Variants in LAMA3 observed in about 807,000 individuals in gnomAD.
LAMA3 encodes laminin subunit alpha 3, also known as laminin subunit alpha-3.
LAMA3 carries 281 observed loss-of-function variants against 402.0 expected under a neutral mutation model. That is an observed-to-expected ratio of 0.70 (90% CI 0.63 to 0.77). The LOEUF is 0.77. Among genes scored for constraint, LAMA3 ranks in the 30% least tolerant of loss-of-function variants. The pLI is 0.00. For synonymous variants in LAMA3, 1,431 were observed against 1,558.4 expected (o/e 0.92, Z 1.93); for missense variants, 3,840 against 4,215.5 (o/e 0.91, Z 2.47).
At chr18:23,813,523 C>CATTTTTTT (rs1381413474) in intron 14 of LAMA3, among the ~76,000 whole-genome samples, 1 of 146,704 alleles carries the variant, frequency 6.8e-6, no homozygotes, top group African/African-American at 2.5e-5. Flanking sequence ...GTATTCTGAA[C>CATTTTTTT]ATTTTTTTTC....
At position 23,871,427 on chromosome 18, in the gene LAMA3, G is replaced by A. The variant is rs745542741; in HGVS notation, c.4768-4G>A. 6.2e-7 allele frequency: 1 copy of A among 1,613,006 alleles called. No homozygotes were observed. Among genetic ancestry groups the A allele is most frequent in the Non-Finnish European group, 8.5e-7 (1 of 1,178,978 alleles). ...AGACCCTGACTTTCTGTTTCCATGT[G>A]TAGGGAAACTTCAGACATGCCAGCA... On this transcript the variant is annotated splice_polypyrimidine_tract_variant and splice_region_variant and intron_variant, in intron 37 of 74. Coordinates refer to ENST00000313654, the MANE Select transcript of LAMA3 (RefSeq NM_198129.4).
intron 8 of LAMA3, among the ~76,000 whole-genome samples, chr18:23,770,593 CT>C (rs1163408089): frequency 6.6e-6 from 1 of 152,028 alleles, no homozygotes; most frequent in Non-Finnish European, 1.5e-5. Flanking sequence ...AACCCTGACT[CT>C]ACTAAAAATA....
chr18:23,692,472 A>G (rs1353806413), intron 1 of LAMA3, among the ~76,000 whole-genome samples: 1 of 152,114 alleles, frequency 6.6e-6, no homozygotes, highest in African/African-American at 2.4e-5. Flanking sequence ...GGGTTTCACC[A>G]TGTCGGCCAG....
chr18:23,813,003 A>G, intron 13 of LAMA3, 54 bp from the exon 14 acceptor site: 1 of 1,235,086 alleles, frequency 8.1e-7, no homozygotes, highest in East Asian at 2.3e-5. Context: ...AAACATCAAA[A>G]CAAAGAGAAA....
chr18:23,841,820 G>A (rs1262643010), intron 27 of LAMA3, among the ~76,000 whole-genome samples: 1 of 152,100 alleles, frequency 6.6e-6, no homozygotes, highest in African/African-American at 2.4e-5. Flanking sequence ...TACTTGGGAG[G>A]CTGAAGTGGG....
intron 2 of LAMA3, among the ~76,000 whole-genome samples, chr18:23,742,603 G>A (rs1223634281): frequency 2.6e-5 from 4 of 151,938 alleles, no homozygotes; most frequent in African/African-American, 9.7e-5. Flanking sequence ...GAAGTATTTA[G>A]GAGGAAAGTA....
At chr18:23,907,511 C>T (rs1258420006) in intron 52 of LAMA3, 39 bp from the exon 53 acceptor site, 1 of 1,414,096 alleles carries the variant, frequency 7.1e-7, no homozygotes, top group African/African-American at 1.4e-5. Flanking sequence ...GATCAAAATG[C>T]ACAAAGTAAT....
chr18:23,729,631 G>A (rs1022447829), intron 2 of LAMA3, among the ~76,000 whole-genome samples: 5 of 152,074 alleles, frequency 3.3e-5, no homozygotes, highest in African/African-American at 1.2e-4. Flanking sequence ...TATATATATG[G>A]CAGATATAAC....
chr18:23,928,787 T>G (rs2082081071), intron 64 of LAMA3, 22 bp downstream of exon 64: 1 of 1,605,484 alleles, frequency 6.2e-7, no homozygotes, highest in Non-Finnish European at 8.5e-7. Context: ...TGCATTAATA[T>G]CAAACAAGAT....
intron 19 of LAMA3, among the ~76,000 whole-genome samples, chr18:23,821,911 T>C (rs1428526117): frequency 6.6e-6 from 1 of 152,224 alleles, no homozygotes; most frequent in Admixed American, 6.5e-5. Context: ...TCCTAGCCAG[T>C]GGTGGTTGCT....
At chr18:23,810,177 A>G (rs1446066875) in intron 12 of LAMA3, among the ~76,000 whole-genome samples, 189 bp from the exon 13 acceptor site, 1 of 152,210 alleles carries the variant, frequency 6.6e-6, no homozygotes, top group Non-Finnish European at 1.5e-5. Context: ...ACTCCCACTT[A>G]AGGAAGGAGA....
intron 2 of LAMA3, among the ~76,000 whole-genome samples, chr18:23,733,510 C>T (rs1430999728): frequency 6.6e-6 from 1 of 152,068 alleles, no homozygotes; most frequent in Non-Finnish European, 1.5e-5. Flanking sequence ...GGGAGAAACT[C>T]CCTCCATGAT....
intron 1 of LAMA3, 78 bp downstream of exon 1, chr18:23,690,055 G>A: frequency 8.5e-7 from 1 of 1,172,406 alleles, no homozygotes; most frequent in Non-Finnish European, 1.1e-6. Context: ...AAGGGATCGG[G>A]CCCTTTCCTC....
intron 1 of LAMA3, among the ~76,000 whole-genome samples, chr18:23,704,391 C>G (rs2145862488): frequency 6.6e-6 from 1 of 152,366 alleles, no homozygotes; most frequent in East Asian, 1.9e-4. Context: ...CATTATCAGG[C>G]ACACACGCAG....
rs369457000 is a variant in LAMA3, at chr18:23,901,225, C to T, written c.6103C>T (p.Leu2035Phe). Residue 2035 changes from leucine to phenylalanine, a missense_variant, in exon 48 of 75, where the codon CTC becomes TTC. Physicochemically the swap from Leu to Phe is conservative, Grantham distance 22. Transcript: ENST00000313654. ...RDSLNEYEAK[L>F]SDLRARLQEA... ...TTCTTTAAATGAATACGAAGCCAAA[C>T]TCAGTGACCTTCGTGCTCGGCTGCA... 10 of 1,614,026 alleles carry T rather than the reference C, an allele frequency of 6.2e-6. No homozygotes were observed. In the African/African-American group the frequency reaches 1.3e-4, roughly 22 times the overall value.
chr18:23,886,293 G>A (rs59826920), intron 41 of LAMA3, among the ~76,000 whole-genome samples: 2,449 of 152,292 alleles, frequency 0.016, 81 homozygotes, highest in African/African-American at 0.055. Context: ...AAAAGAGAAT[G>A]AGTGACTACC....
chr18:23,857,590 G>A (rs1387776735), intron 32 of LAMA3, among the ~76,000 whole-genome samples: 1 of 152,174 alleles, frequency 6.6e-6, no homozygotes, highest in African/African-American at 2.4e-5. Flanking sequence ...CCCTTCTTGC[G>A]CCCTCAACAC....
intron 60 of LAMA3, among the ~76,000 whole-genome samples, chr18:23,920,386 A>G (rs748451786): frequency 2.3e-4 from 35 of 152,126 alleles, no homozygotes; most frequent in Non-Finnish European, 4.7e-4. Context: ...GTACACCTGG[A>G]TTGGAGCTAC....
intron 32 of LAMA3, among the ~76,000 whole-genome samples, chr18:23,855,256 T>C (rs985886724): frequency 2.6e-5 from 4 of 152,216 alleles, no homozygotes; most frequent in African/African-American, 9.6e-5. Flanking sequence ...GGTTGGCACT[T>C]CATGGCAACA....
Sources: allele counts gnomAD v4.1 joint callset (sites outside exome capture counted in the v4.1 genomes callset), GRCh38; gene constraint gnomAD v4.1.1; transcripts MANE v1.5; gene names NCBI Gene and HGNC (gene_info 2026-07-23, HGNC 2026-07-21).